Variants in CRY2 observed in about 807,000 individuals in gnomAD.
CRY2 encodes the protein cryptochrome circadian regulator 2.
Under a neutral mutation model 69.5 loss-of-function variants are expected in CRY2, and 31 were observed. The ratio of observed to expected loss-of-function variants is 0.45; its 90% CI spans 0.34 to 0.60. The LOEUF is 0.60. Ranked by LOEUF, CRY2 falls within the 20% of genes least tolerant of loss-of-function variation. The pLI, the probability that CRY2 is intolerant of heterozygous loss-of-function variation, is 0.02. For missense variants in CRY2, 606 were observed against 797.8 expected (o/e 0.76, Z 2.90); for synonymous variants, 303 against 312.2 (o/e 0.97, Z 0.31).
intron 4 of CRY2, 185 bp from the exon 5 acceptor site, chr11:45,861,875 A>G: frequency 1.7e-6 from 1 of 593,548 alleles, no homozygotes. Context: ...AGCAGAGAAA[A>G]TAGTGACTGT....
rs201801465 is a variant in CRY2, at chr11:45,870,517, C to T, written c.1534C>T (p.Arg512Cys). 136 of 1,613,940 alleles carry T rather than the reference C, an allele frequency of 8.4e-5. No homozygotes were observed. The highest frequency in any genetic ancestry group is 1.1e-4 in the Non-Finnish European group (131 of 1,180,014). ...GAAGCAGATTTACCAGCAGCTTTCG[C>T]GCTACCGGGGACTCTGTAAGGAGAC... ...RMKQIYQQLS[R>C]YRGLCLLASV... Residue 512 changes from arginine (R) to cysteine (C), a missense_variant, in exon 9 of 12, where the codon CGC becomes TGC. This residue lies in a region of CRY2 where 173 missense variants were observed against 213.7 expected (regional missense o/e 0.81). Coordinates refer to ENST00000616080, the MANE Select transcript of CRY2 (RefSeq NM_021117.5).
intron 1 of CRY2, among the ~76,000 whole-genome samples, chr11:45,848,018 A>C (rs1358245166): frequency 6.6e-6 from 1 of 152,160 alleles, no homozygotes; most frequent in Non-Finnish European, 1.5e-5. Context: ...ACTTGTAGCC[A>C]GTGAGTGGCA....
At chr11:45,861,632 G>C (rs1301435500) in intron 4 of CRY2, 1 of 185,842 alleles carries the variant, frequency 5.4e-6, no homozygotes, top group Non-Finnish European at 1.1e-5. Flanking sequence ...AGTAGAGACG[G>C]GGTTTCACCA....
chr11:45,868,408 C>T (rs1227810209), intron 6 of CRY2, among the ~76,000 whole-genome samples: 2 of 152,164 alleles, frequency 1.3e-5, no homozygotes, highest in African/African-American at 2.4e-5. Context: ...TGTAGTGTGG[C>T]CTGATCACAG....
intron 1 of CRY2, among the ~76,000 whole-genome samples, chr11:45,854,954 G>C (rs578095709): frequency 6.6e-6 from 1 of 152,282 alleles, no homozygotes; most frequent in South Asian, 2.1e-4. Flanking sequence ...GTTGCCTCTG[G>C]GGAGTGAGGG....
At chr11:45,849,065 A>G (rs945999928) in intron 1 of CRY2, among the ~76,000 whole-genome samples, 22 of 152,224 alleles carry the variant, frequency 1.4e-4, no homozygotes, top group Admixed American at 1.2e-3. Flanking sequence ...AGCCAGGCAA[A>G]TGGAATCCGA....
intron 1 of CRY2, 108 bp downstream of exon 1, chr11:45,847,813 G>A: frequency 7.3e-7 from 1 of 1,376,622 alleles, no homozygotes; most frequent in Non-Finnish European, 9.7e-7. Flanking sequence ...GAAGGCCAGA[G>A]GGGAGAAGCC....
rs770481147 is a variant in CRY2, at chr11:45,870,411, A to G, written c.1428A>G (p.Ala476=). The change falls in exon 9 of 12, where the codon GCA becomes GCG. Residue 476 remains alanine, a synonymous_variant. Coordinates refer to ENST00000616080, the MANE Select transcript of CRY2 (RefSeq NM_021117.5). ...ATGCCCCAGAGTCAATTCAGAAGGC[A>G]GCCAAGTGCATCATTGGTGTGGACT... ...PWNAPESIQK[A]AKCIIGVDYP... is the part of the protein sequence containing the mutation. 1.2e-5 allele frequency: 20 copies of G among 1,614,126 alleles called. No individual in the cohort carries two copies. The highest frequency in any genetic ancestry group is 1.7e-5 in the Non-Finnish European group (20 of 1,180,052).
chr11:45,847,838 A>C (rs866219518), intron 1 of CRY2, 133 bp downstream of exon 1: 1 of 1,259,180 alleles, frequency 7.9e-7, no homozygotes, highest in Middle Eastern at 2.6e-4. Flanking sequence ...CCGGGGAAGT[A>C]ATTCGTCATG....
intron 4 of CRY2, chr11:45,861,811 G>T (rs1403111473): frequency 4.3e-6 from 2 of 466,032 alleles, no homozygotes; most frequent in Middle Eastern, 5.9e-4. Context: ...ATCTGAAAAG[G>T]CAGGAGGTCC....
intron 5 of CRY2, among the ~76,000 whole-genome samples, chr11:45,866,549 C>T (rs2086332135): frequency 6.6e-6 from 1 of 152,194 alleles, no homozygotes; most frequent in South Asian, 2.1e-4. Context: ...AAAGTGCCTG[C>T]AGGACTCAGT....
chr11:45,877,861 G>A (rs1257694397), intron 11 of CRY2, among the ~76,000 whole-genome samples: 1 of 152,160 alleles, frequency 6.6e-6, no homozygotes, highest in Non-Finnish European at 1.5e-5. Flanking sequence ...TAGTTGAACA[G>A]GCCTTTGGCT....
chr11:45,875,878 G>A (rs1046348918), intron 11 of CRY2, among the ~76,000 whole-genome samples: 27 of 152,226 alleles, frequency 1.8e-4, no homozygotes, highest in African/African-American at 5.8e-4. Flanking sequence ...AAAAGTCTTT[G>A]AATATGTAAA....
At chr11:45,847,322 G>T, upstream of CRY2, 1 of 1,582,674 alleles carries the variant, frequency 6.3e-7, no homozygotes. Context: ...GCGCCTCTGG[G>T]CCAATCGCCA....
chr11:45,854,344 A>G (rs1430460915), intron 1 of CRY2, among the ~76,000 whole-genome samples: 1 of 152,174 alleles, frequency 6.6e-6, no homozygotes, highest in Non-Finnish European at 1.5e-5. Context: ...GGCCTGCAGA[A>G]TCTCAGCCCC....
intron 7 of CRY2, 49 bp downstream of exon 7, chr11:45,869,866 C>T (rs372385800): frequency 6.7e-5 from 104 of 1,554,060 alleles, no homozygotes; most frequent in Non-Finnish European, 8.4e-5. Flanking sequence ...TGGTCAGGCC[C>T]GTCAAAGGGC....
In CRY2 at chr11:45,867,750, A is replaced by C; in HGVS notation, c.880A>C (p.Lys294Gln). Reference sequence around the variant, plus strand: ...CTACCGCCTGTGGGACCTGTATAAAAAGGTAAGGGGGACATACCTGCCCAC... The same window carrying C: ...CTACCGCCTGTGGGACCTGTATAAACAGGTAAGGGGGACATACCTGCCCAC... The part of the protein sequence containing the change: ...FYYRLWDLYK[K>Q]VKRNSTPPLS... The change falls in exon 6 of 12, where the codon AAG (lysine) becomes CAG (glutamine). Residue 294 changes from lysine (K) to glutamine (Q), a missense_variant and splice_region_variant. Lys to Gln is a moderately conservative substitution (Grantham distance 53). Transcript: ENST00000616080. 6.2e-7 allele frequency: 1 copy of C among 1,614,114 alleles called. No individual in the cohort carries two copies. The highest frequency in any genetic ancestry group is 8.5e-7 in the Non-Finnish European group (1 of 1,180,006).
rs900500496 is a variant in CRY2 at position 45,882,537 on chromosome 11, C to G, written c.*1626C>G. On this transcript the variant is annotated 3_prime_UTR_variant, in exon 12 of 12. Transcript: ENST00000616080. ...CTGACAGGCTTCTTCCTGAGATATC[C>G]TCAGGTTTTCTCAGCCAGAGAGCTG... The G allele has an allele frequency of 2.5e-5, 10 of 398,670 alleles. No homozygotes were observed. Among genetic ancestry groups the G allele is most frequent in the Non-Finnish European group, 4.4e-5 (10 of 226,008 alleles). 24.7% of individuals were successfully genotyped at this position (398,670 alleles called of 1,614,324 possible).
intron 11 of CRY2, among the ~76,000 whole-genome samples, chr11:45,879,590 A>G (rs1487698736): frequency 7.2e-5 from 11 of 152,398 alleles, no homozygotes; most frequent in Non-Finnish European, 1.3e-4. Context: ...AATCAGACAG[A>G]TGTGGATTTC....
Sources: gnomAD v4.1 joint callset for allele counts (sites outside exome capture counted in the v4.1 genomes callset) on GRCh38, gnomAD v4.1.1 for gene constraint, gnomAD v4.1.1 regional missense constraint, MANE v1.5 for transcripts, NCBI Gene and HGNC (gene_info 2026-07-23, HGNC 2026-07-21) for gene names.